The following NDUFA10 variants were observed in gnomAD, a reference collection of about 807,000 sequenced individuals.
NDUFA10 encodes NADH:ubiquinone oxidoreductase subunit A10, also known as NADH dehydrogenase [ubiquinone] 1 alpha subcomplex subunit 10, mitochondrial.
Under a neutral mutation model 47.8 loss-of-function variants are expected in NDUFA10, and 40 were observed. That is an observed-to-expected ratio of 0.84 (90% confidence interval 0.65 to 1.09). The LOEUF (loss-of-function observed/expected upper bound fraction) is 1.09. NDUFA10 is among the 50% of genes least tolerant of loss of function. The pLI is 0.00. For missense variants in NDUFA10, 413 were observed against 451.1 expected (o/e 0.92, Z 0.76); for synonymous variants, 183 against 172.2 (o/e 1.06, Z -0.49).
chr2:240,023,167 A>G (rs1697707591), intron 1 of NDUFA10, among the ~76,000 whole-genome samples: 1 of 152,222 alleles, frequency 6.6e-6, no homozygotes, highest in Non-Finnish European at 1.5e-5. Flanking sequence ...AAAAAAGAAA[A>G]GAAACATAAC....
At chr2:239,947,558 C>T (rs1246807088) in intron 4 of NDUFA10, among the ~76,000 whole-genome samples, 1 of 152,188 alleles carries the variant, frequency 6.6e-6, no homozygotes, top group Non-Finnish European at 1.5e-5. Flanking sequence ...CAGACACAGA[C>T]AGGGACGGCT....
chr2:240,000,865 C>A lies in NDUFA10; in HGVS notation c.890+4345G>T, dbSNP rs139576177. Among the ~76,000 whole-genome samples, 18 of 152,350 alleles carry A rather than the reference C, an allele frequency of 1.2e-4. No homozygotes were observed. In the East Asian group the frequency reaches 3.5e-3, roughly 29 times the overall value. On this transcript the variant is annotated intron_variant, in intron 8 of 9. Coordinates refer to ENST00000252711, the MANE Select transcript of NDUFA10 (RefSeq NM_004544.4). Reference sequence around the variant, plus strand: ...GGCTCCACCACACCACCTAGGTGTGCAGGTTATAGCATCTACGCTTGTGTA... The same window carrying A: ...GGCTCCACCACACCACCTAGGTGTGAAGGTTATAGCATCTACGCTTGTGTA...
At chr2:239,983,758 A>G (rs1398515072) in intron 9 of NDUFA10, 1 of 1,540,652 alleles carries the variant, frequency 6.5e-7, no homozygotes, top group Non-Finnish European at 8.8e-7. Context: ...GGGAGAGTCT[A>G]CAAAATACCT....
At chr2:239,982,217 C>T (rs1297163594) in intron 9 of NDUFA10, 1 of 1,612,822 alleles carries the variant, frequency 6.2e-7, no homozygotes, top group Non-Finnish European at 8.5e-7. Context: ...AGGGGATCCC[C>T]AGCTACAAGG....
At chr2:239,899,741 G>C (rs1177614888) in intron 4 of NDUFA10, among the ~76,000 whole-genome samples, 3 of 152,002 alleles carry the variant, frequency 2.0e-5, no homozygotes, top group Non-Finnish European at 2.9e-5. Flanking sequence ...ACTTAAGGGA[G>C]TGAGAGGCTG....
chr2:240,020,838 GCA>G (rs969500041), intron 3 of NDUFA10, among the ~76,000 whole-genome samples: 1 of 152,186 alleles, frequency 6.6e-6, no homozygotes, highest in Non-Finnish European at 1.5e-5. Context: ...CATGGCACAT[GCA>G]CAGTCTTCAT....
chr2:239,949,678 T>G (rs1344378791), intron 4 of NDUFA10, among the ~76,000 whole-genome samples: 1 of 152,046 alleles, frequency 6.6e-6, no homozygotes, highest in Non-Finnish European at 1.5e-5. Context: ...AGACAAGGCC[T>G]CATCTATGTT....
chr2:240,011,492 G>A (rs968525826), intron 6 of NDUFA10, 125 bp downstream of exon 6: 1 of 753,784 alleles, frequency 1.3e-6, no homozygotes, highest in Admixed American at 2.0e-5. Flanking sequence ...ATAAACATCA[G>A]ATTAAACATC....
chr2:239,973,063 C>T (rs1695365650), intron 9 of NDUFA10, among the ~76,000 whole-genome samples: 1 of 152,206 alleles, frequency 6.6e-6, no homozygotes, highest in South Asian at 2.1e-4. Context: ...GGGACACATG[C>T]TGATAATTTT....
At chr2:239,999,994 C>T (rs557931131) in intron 8 of NDUFA10, among the ~76,000 whole-genome samples, 5 of 152,324 alleles carry the variant, frequency 3.3e-5, no homozygotes, top group African/African-American at 9.6e-5. Context: ...CGTGGCTCAG[C>T]GCATGACTCC....
intron 9 of NDUFA10, among the ~76,000 whole-genome samples, chr2:239,973,077 T>C (rs1273692560): frequency 6.6e-6 from 1 of 152,246 alleles, no homozygotes; most frequent in Non-Finnish European, 1.5e-5. Flanking sequence ...TAATTTTCCA[T>C]ACACAGAGAT....
In NDUFA10 at chr2:239,960,882, G is replaced by A. The variant is rs1176412206; in HGVS notation, c.*236C>T. On this transcript the variant is annotated 3_prime_UTR_variant, in exon 10 of 10. Coordinates refer to ENST00000252711, the MANE Select transcript of NDUFA10 (RefSeq NM_004544.4). ...AGACCACTGTTTTCCAGTGAGAATGGTGGGCCATTCCAAAACAAAGCTAAA... is the reference window on the plus strand; with the variant it reads ...AGACCACTGTTTTCCAGTGAGAATGATGGGCCATTCCAAAACAAAGCTAAA... 15 of 1,420,838 alleles carry A rather than the reference G, an allele frequency of 1.1e-5. No individual in the cohort carries two copies. Among genetic ancestry groups the A allele is most frequent in the South Asian group, 1.4e-5 (1 of 71,144 alleles). The allele number at this position is 1,420,838 out of a possible 1,614,324, so 88.0% of individuals were successfully genotyped here.
chr2:240,013,229 T>C (rs193050761), intron 5 of NDUFA10: 3 of 152,354 alleles, frequency 2.0e-5, no homozygotes, highest in Admixed American at 6.5e-5. Flanking sequence ...ACAGACTGCA[T>C]TGAAATAAAA....
intron 9 of NDUFA10, among the ~76,000 whole-genome samples, chr2:239,977,955 C>T (rs1288866819): frequency 2.0e-5 from 3 of 152,166 alleles, no homozygotes; most frequent in Non-Finnish European, 2.9e-5. Flanking sequence ...CCCTCACCCA[C>T]CCCTCCAGCC....
At chr2:240,010,068 T>C (rs1253208256) in intron 6 of NDUFA10, among the ~76,000 whole-genome samples, 2 of 152,242 alleles carry the variant, frequency 1.3e-5, no homozygotes, top group African/African-American at 4.8e-5. Flanking sequence ...TCCAAGTCCA[T>C]CACAAAGCTG....
Position 239,960,201 on chromosome 2 carries a change from G to A in NDUFA10, c.*917C>T. ...CTAATGGACACAGTGGAGCTTTACA[G>A]TGGAAAACCCACAGTTCAGTAGGAC... On this transcript the variant is annotated 3_prime_UTR_variant, in exon 10 of 10. Coordinates refer to ENST00000252711, the MANE Select transcript of NDUFA10 (RefSeq NM_004544.4). 1 of 983,546 alleles carries A rather than the reference G, an allele frequency of 1.0e-6. No homozygotes were observed. The highest frequency in any genetic ancestry group is 1.2e-6 in the Non-Finnish European group (1 of 829,876). The allele number at this position is 983,546 out of a possible 1,614,324, so 60.9% of individuals were successfully genotyped here. A position where few individuals can be genotyped will look rare whatever the true frequency, so the allele number is the denominator to read the frequency against.
intron 8 of NDUFA10, among the ~76,000 whole-genome samples, chr2:239,999,411 T>C (rs1696615321): frequency 6.6e-6 from 1 of 152,230 alleles, no homozygotes. Context: ...CGAGGGGCTC[T>C]ACTGCCCTCT....
chr2:239,989,474 G>A (rs1395116420), intron 9 of NDUFA10, among the ~76,000 whole-genome samples: 1 of 152,252 alleles, frequency 6.6e-6, no homozygotes, highest in Non-Finnish European at 1.5e-5. Context: ...GCTCTTCCCA[G>A]TCCACTGACA....
chr2:239,915,625 C>A (rs1259237287), intron 4 of NDUFA10, among the ~76,000 whole-genome samples: 4 of 149,422 alleles, frequency 2.7e-5, no homozygotes, highest in African/African-American at 9.9e-5. Context: ...TACACAGACA[C>A]ACACAAATAT....
Sources: gnomAD v4.1 joint callset for allele counts (sites outside exome capture counted in the v4.1 genomes callset) on GRCh38, gnomAD v4.1.1 for gene constraint, MANE v1.5 for transcripts, NCBI Gene and HGNC (gene_info 2026-07-23, HGNC 2026-07-21) for gene names.